The following GCN1 variants were observed in gnomAD, a reference collection of about 807,000 sequenced individuals.
GCN1 encodes the protein stalled ribosome sensor GCN1.
Under a neutral mutation model 288.4 loss-of-function variants are expected in GCN1, and 90 were observed. The ratio of observed to expected loss-of-function variants is 0.31; its 90% CI spans 0.26 to 0.37. The LOEUF is 0.37. Among genes scored for constraint, GCN1 ranks in the 10% least tolerant of loss-of-function variants. GCN1 has a pLI of 1.00. For synonymous variants in GCN1, 1,386 were observed against 1,420.2 expected (o/e 0.98, Z 0.54); for missense variants, 2,586 against 3,419.9 (o/e 0.76, Z 6.08).
chr12:120,138,957 C>T (rs1877100932), intron 45 of GCN1, 101 bp from the exon 46 acceptor site: 2 of 930,266 alleles, frequency 2.1e-6, no homozygotes, highest in Non-Finnish European at 3.3e-6. Context: ...AGCTAGGCCA[C>T]CCTAACTCTC....
chr12:120,127,818 G>A lies in GCN1; in HGVS notation c.*31C>T, dbSNP rs761510896. 7 of 1,605,030 alleles carry A rather than the reference G, an allele frequency of 4.4e-6. No homozygotes were observed. The East Asian group carries it at 1.3e-4, about 31-fold the overall frequency. ...AATGAAAACATTGAGCAAAGATGTG[G>A]AGCGGCAATGCTGCTGCTGGCCCAG... is the stretch of plus-strand genomic sequence containing the variant. On this transcript the variant is annotated 3_prime_UTR_variant, in exon 58 of 58. Coordinates refer to ENST00000300648, the MANE Select transcript of GCN1 (RefSeq NM_006836.2).
chr12:120,143,513 C>T (rs1877263363), intron 42 of GCN1, among the ~76,000 whole-genome samples: 1 of 150,392 alleles, frequency 6.6e-6, no homozygotes, highest in Admixed American at 6.7e-5. Context: ...ACCCGGGAGG[C>T]AGAGGTTGCG....
rs770680391 is a variant in GCN1 at position 120,144,741 on chromosome 12, G to C, written c.5250C>G (p.Pro1750=). The stretch of plus-strand genomic sequence containing the variant: ...TCATAATGTAGCCATCTCGGACATG[G>C]GGTGCAATGTCCACTTTGCTGGCTG... ...VATASKVDIA[P]HVRDGYIMMF... The change falls in exon 41 of 58, where the codon CCC becomes CCG. Residue 1750 remains proline (P), a synonymous_variant. Transcript: ENST00000300648. The surrounding 1 kb of genome is among the most constrained non-coding windows in gnomAD (Gnocchi z 4.7). 1.2e-6 allele frequency: 2 copies of C among 1,613,854 alleles called. No homozygotes were observed. The highest frequency in any genetic ancestry group is 2.2e-5 in the South Asian group (2 of 91,084).
In GCN1 at chr12:120,147,343, A is replaced by C. The variant is rs1258019605; in HGVS notation, c.4727-71T>G. Reference sequence around the variant, plus strand: ...GCTGCAAGGCCCCTGGGCCCCCAGAACTAGAATGGATCAGAAGAGAAGGGA... The same window carrying C: ...GCTGCAAGGCCCCTGGGCCCCCAGACCTAGAATGGATCAGAAGAGAAGGGA... On this transcript the variant is annotated intron_variant, in intron 37 of 57. Transcript: ENST00000300648. The C allele has an allele frequency of 6.5e-6, 5 of 769,526 alleles. No homozygotes were observed. The Admixed American group carries it at 1.2e-4, about 18-fold the overall frequency. 47.7% of individuals were successfully genotyped at this position (769,526 alleles called of 1,614,324 possible). A position where few individuals can be genotyped will look rare whatever the true frequency, so the allele number is the denominator to read the frequency against.
In GCN1 at chr12:120,175,772, G is replaced by C; in HGVS notation, c.1016C>G (p.Thr339Ser). The C allele has an allele frequency of 2.5e-6, 4 of 1,612,772 alleles. No homozygotes were observed. Among genetic ancestry groups the C allele is most frequent in the Non-Finnish European group, 3.4e-6 (4 of 1,179,562 alleles). Residue 339 changes from threonine (T) to serine (S), a missense_variant, in exon 11 of 58, where the codon ACC (threonine) becomes AGC (serine). Physicochemically the swap from Thr to Ser is moderately conservative, Grantham distance 58. Transcript: ENST00000300648. ...CSDSSAMESL[T>S]KHLFAILGGS... ...TCCGAGGATAGCAAATAGGTGCTTG[G>C]TCAGGGATTCCATGGCCGAAGAGTC...
intron 53 of GCN1, among the ~76,000 whole-genome samples, chr12:120,132,524 T>G (rs145351436): frequency 3.5e-4 from 53 of 152,132 alleles, no homozygotes; most frequent in African/African-American, 1.2e-3. Context: ...TCCTGCTATC[T>G]CCCTACTGCA....
At chr12:120,154,869 G>C in intron 31 of GCN1, 101 bp downstream of exon 31, 5 of 1,258,926 alleles carry the variant, frequency 4.0e-6, no homozygotes, top group Non-Finnish European at 4.7e-6. Context: ...GGGAGGTCCT[G>C]CTCTTTCATT....
intron 26 of GCN1, 37 bp downstream of exon 26, chr12:120,157,812 C>G (rs1392003587): frequency 6.3e-7 from 1 of 1,585,834 alleles, no homozygotes; most frequent in South Asian, 1.1e-5. Context: ...CCCTGATCCC[C>G]TTTAAACCAA....
At chr12:120,194,575 A>T in intron 1 of GCN1, 105 bp downstream of exon 1, 1 of 1,062,988 alleles carries the variant, frequency 9.4e-7, no homozygotes, top group Non-Finnish European at 1.4e-6. Context: ...CTCCACAGCC[A>T]CCACCTCCAA....
Position 120,155,866 on chromosome 12 carries a change from AG to A in GCN1, c.3313-148del, listed in dbSNP as rs1877730415. The A allele has an allele frequency of 8.5e-6, 6 of 701,946 alleles. No homozygotes were observed. In the Admixed American group the frequency reaches 1.3e-4, roughly 16 times the overall value. 43.5% of individuals were successfully genotyped at this position (701,946 alleles called of 1,614,324 possible). ...GTTAAATCAATTAAAATTAACTCTA[AG>A]TAAGTTCCTTAGAGTGTGAGGTGGT... is the stretch of plus-strand genomic sequence containing the variant. On this transcript the variant is annotated intron_variant, in intron 28 of 57. Coordinates refer to ENST00000300648, the MANE Select transcript of GCN1 (RefSeq NM_006836.2). The surrounding 1 kb of genome is among the most constrained non-coding windows in gnomAD (Gnocchi z 4.9).
intron 34 of GCN1, 147 bp downstream of exon 34, chr12:120,150,998 G>C: frequency 1.2e-6 from 1 of 846,616 alleles, no homozygotes; most frequent in South Asian, 1.7e-5. Context: ...CAAGGACGCA[G>C]CTGGACTGGG....
intron 33 of GCN1, among the ~76,000 whole-genome samples, chr12:120,152,881 T>C (rs763393110): frequency 2.0e-5 from 3 of 151,694 alleles, no homozygotes; most frequent in Non-Finnish European, 2.9e-5. Context: ...CGTTAGTGAA[T>C]AGAAAAAATG....
chr12:120,127,740 T>C lies in GCN1; in HGVS notation c.*109A>G. 1 of 1,244,202 alleles carries C rather than the reference T, an allele frequency of 8.0e-7. No homozygotes were observed. The highest frequency in any genetic ancestry group is 1.1e-6 in the Non-Finnish European group (1 of 879,526). 77.1% of individuals were successfully genotyped at this position (1,244,202 alleles called of 1,614,324 possible). A position where few individuals can be genotyped will look rare whatever the true frequency, so the allele number is the denominator to read the frequency against. ...CTGTGGTCTATTGATATTAAAATACTTTCTGGGAACGCCATCTTCCAAGCT... is the reference window on the plus strand; with the variant it reads ...CTGTGGTCTATTGATATTAAAATACCTTCTGGGAACGCCATCTTCCAAGCT... On this transcript the variant is annotated 3_prime_UTR_variant, in exon 58 of 58. Coordinates refer to ENST00000300648, the MANE Select transcript of GCN1 (RefSeq NM_006836.2).
chr12:120,151,535 C>G (rs1877555232), intron 33 of GCN1, 144 bp from the exon 34 acceptor site: 1 of 756,338 alleles, frequency 1.3e-6, no homozygotes, highest in African/African-American at 1.7e-5. Context: ...CACAGGGCAC[C>G]AGAGAAGCAA....
At chr12:120,184,069 G>C (rs74513482) in intron 4 of GCN1, 43 bp downstream of exon 4, 52,173 of 1,571,592 alleles carry the variant, frequency 0.033, 983 homozygotes, top group Non-Finnish European at 0.039. Flanking sequence ...CTCCTGAGCA[G>C]GACTGTACCA....
chr12:120,181,870 G>A (rs1186202804), intron 5 of GCN1, among the ~76,000 whole-genome samples: 1 of 149,908 alleles, frequency 6.7e-6, no homozygotes, highest in East Asian at 2.0e-4. Flanking sequence ...AAGTAGGCTG[G>A]GCACAATGGC....
chr12:120,161,149 CGCTGTGCCT>C (rs1293803356), intron 22 of GCN1, among the ~76,000 whole-genome samples: 1 of 152,176 alleles, frequency 6.6e-6, no homozygotes, highest in Non-Finnish European at 1.5e-5. Context: ...CTGTACCAGG[CGCTGTGCCT>C]GCTATCAGGA....
At chr12:120,175,123 T>C (rs1878437020) in intron 12 of GCN1, 39 bp downstream of exon 12, 3 of 1,398,146 alleles carry the variant, frequency 2.1e-6, no homozygotes, top group African/African-American at 1.7e-5. Context: ...CAAGACTTTC[T>C]CTCAAAAAAA....
At chr12:120,188,141 C>G (rs1360324573) in intron 2 of GCN1, among the ~76,000 whole-genome samples, 2 of 152,154 alleles carry the variant, frequency 1.3e-5, no homozygotes, top group Admixed American at 1.3e-4. Flanking sequence ...ACATCAAAAA[C>G]ATGACCTCTA....
Sources: allele counts gnomAD v4.1 joint callset (sites outside exome capture counted in the v4.1 genomes callset), GRCh38; gene constraint gnomAD v4.1.1; non-coding constraint Gnocchi (gnomAD v3.1); transcripts MANE v1.5; gene names NCBI Gene and HGNC (gene_info 2026-07-23, HGNC 2026-07-21).